Variants in CC2D2B observed in about 807,000 individuals in gnomAD.
CC2D2B encodes the protein coiled-coil and C2 domain containing 2B, also known as protein CC2D2B.
A neutral mutation model predicts 161.2 loss-of-function variants in CC2D2B; 128 were observed. That is an observed-to-expected ratio of 0.79 (90% CI 0.69 to 0.92). The LOEUF (loss-of-function observed/expected upper bound fraction) is 0.92, where lower values mean the gene tolerates loss of function less well. CC2D2B is among the 40% of genes least tolerant of loss of function. CC2D2B has a pLI of 0.00. For synonymous variants in CC2D2B, 391 were observed against 449.8 expected, an observed-to-expected ratio of 0.87 and a Z score of 1.65; for missense variants, 1,173 against 1,375.1, an observed-to-expected ratio of 0.85 and a Z score of 2.32.
Position 95,968,915 on chromosome 10 carries a change from A to G in CC2D2B, c.1644+14A>G. ...ATTTGTTTGGAGGTATGCCATTGTC[A>G]TTTACTTTTGTATCTTATTTTATGC... On this transcript the variant is annotated intron_variant, in intron 15 of 34. Transcript: ENST00000646931. The G allele has an allele frequency of 4.9e-6, 6 of 1,215,146 alleles. No homozygotes were observed. The highest frequency in any genetic ancestry group is 6.2e-6 in the Non-Finnish European group (6 of 972,844). The allele number at this position is 1,215,146 out of a possible 1,614,324, so 75.3% of individuals were successfully genotyped here.
At chr10:95,924,699 A>C in intron 4 of CC2D2B, 80 bp from the exon 5 acceptor site, 1 of 889,008 alleles carries the variant, frequency 1.1e-6, no homozygotes, top group Non-Finnish European at 1.8e-6. Flanking sequence ...CAAAGTATTG[A>C]TATTTATAAA....
intron 11 of CC2D2B, among the ~76,000 whole-genome samples, chr10:95,960,256 A>G (rs1432839457): frequency 6.6e-6 from 1 of 152,134 alleles, no homozygotes; most frequent in Non-Finnish European, 1.5e-5. Flanking sequence ...CTTGTTTCAC[A>G]CTTCAGCTAT....
intron 31 of CC2D2B, 163 bp downstream of exon 31, chr10:96,019,500 G>T: frequency 1.2e-6 from 1 of 822,288 alleles, no homozygotes; most frequent in Non-Finnish European, 1.9e-6. Flanking sequence ...AGGTGATTGT[G>T]TAGTGCCTTC....
intron 20 of CC2D2B, among the ~76,000 whole-genome samples, chr10:95,990,055 C>T (rs759586348): frequency 1.8e-4 from 28 of 152,076 alleles, no homozygotes; most frequent in Non-Finnish European, 3.4e-4. Flanking sequence ...TTTACTGAAA[C>T]GTTTTCTCTA....
intron 26 of CC2D2B, among the ~76,000 whole-genome samples, chr10:96,011,166 C>G (rs2078972492): frequency 6.6e-6 from 1 of 152,174 alleles, no homozygotes. Context: ...AGTAGAGGTG[C>G]CTGCACAATG....
intron 30 of CC2D2B, 53 bp from the exon 31 acceptor site, chr10:96,019,150 T>C (rs1006614619): frequency 2.1e-6 from 3 of 1,416,966 alleles, no homozygotes; most frequent in African/African-American, 2.9e-5. Context: ...ATAATTTCCA[T>C]ATATAGAAAT....
chr10:95,964,066 G>A (rs1031635338), intron 12 of CC2D2B, among the ~76,000 whole-genome samples: 1 of 152,160 alleles, frequency 6.6e-6, no homozygotes, highest in Admixed American at 6.6e-5. Context: ...TGTGCTCTCT[G>A]TTTGGCACTG....
At position 96,004,142 on chromosome 10, in the gene CC2D2B, T is replaced by A; in HGVS notation, c.2850-10T>A. 1 of 1,480,760 alleles carries A rather than the reference T, an allele frequency of 6.8e-7. No individual in the cohort carries two copies. The highest frequency in any genetic ancestry group is 9.1e-7 in the Non-Finnish European group (1 of 1,096,934). 91.7% of individuals were successfully genotyped at this position (1,480,760 alleles called of 1,614,324 possible). On this transcript the variant is annotated splice_polypyrimidine_tract_variant and intron_variant, in intron 24 of 34. Coordinates refer to ENST00000646931, the MANE Select transcript of CC2D2B (RefSeq NM_001349008.3). ...AATTAAGCATTTGAATATATTTTTCTTATTTGCAGCTCACCAGGACATGAT... is the reference window on the plus strand; with the variant it reads ...AATTAAGCATTTGAATATATTTTTCATATTTGCAGCTCACCAGGACATGAT...
chr10:95,944,853 T>C lies in CC2D2B; in HGVS notation c.802-5043T>C, dbSNP rs115699590. 5.2e-3 allele frequency among the ~76,000 whole-genome samples: 790 copies of C among 152,330 alleles called. 3 individuals are homozygous for C. Among genetic ancestry groups the C allele is most frequent in the African/African-American group, 0.018 (752 of 41,580 alleles). On this transcript the variant is annotated intron_variant, in intron 9 of 34. Coordinates refer to ENST00000646931, the MANE Select transcript of CC2D2B (RefSeq NM_001349008.3). ...AAGGCCATCTCACCAACTGTCTAAA[T>C]TGAGTTTTAAAATTCTTTCTTGCAG...
intron 24 of CC2D2B, among the ~76,000 whole-genome samples, chr10:96,002,771 T>G (rs546004417): frequency 6.6e-6 from 1 of 152,258 alleles, no homozygotes; most frequent in South Asian, 2.1e-4. Flanking sequence ...TTCAGAAAGT[T>G]AGAGAAGCTG....
At position 96,025,154 on chromosome 10, in the gene CC2D2B, A is replaced by AAAATAT. The variant is rs1491259451; in HGVS notation, c.3947+244_3947+245insAATATA. Among the ~76,000 whole-genome samples, 12 of 20,084 alleles carry AAAATAT rather than the reference A, an allele frequency of 6.0e-4. 1 individual carries two copies. Among genetic ancestry groups the AAAATAT allele is most frequent in the East Asian group, 3.6e-3 (1 of 274 alleles). 13.2% of individuals were successfully genotyped at this position (20,084 alleles called of 152,430 possible). ...GGAGACGTCATCTCTACTAAAAAAA[A>AAAATAT]ATATATATATATATATATATATATA... On this transcript the variant is annotated intron_variant, in intron 33 of 34. Transcript: ENST00000646931.
At chr10:95,943,379 A>G (rs1241297474) in intron 9 of CC2D2B, among the ~76,000 whole-genome samples, 2 of 152,220 alleles carry the variant, frequency 1.3e-5, no homozygotes, top group East Asian at 3.9e-4. Context: ...TTTGGGTTTC[A>G]TGAGGCATTT....
At chr10:95,956,310 G>C (rs2076565407) in intron 11 of CC2D2B, among the ~76,000 whole-genome samples, 1 of 151,958 alleles carries the variant, frequency 6.6e-6, no homozygotes, top group Non-Finnish European at 1.5e-5. Flanking sequence ...GCATGAATAA[G>C]AGCCAGTAGA....
chr10:96,023,713 G>A (rs1031173540), intron 32 of CC2D2B, among the ~76,000 whole-genome samples: 4 of 152,106 alleles, frequency 2.6e-5, no homozygotes, highest in African/African-American at 7.2e-5. Context: ...TGTACTGTGG[G>A]GCTCCTCCCT....
At chr10:95,944,900 T>G (rs951083577) in intron 9 of CC2D2B, among the ~76,000 whole-genome samples, 6 of 152,224 alleles carry the variant, frequency 3.9e-5, no homozygotes, top group Non-Finnish European at 7.3e-5. Flanking sequence ...TGAATGTGTC[T>G]CCTCTAAAAT....
intron 15 of CC2D2B, among the ~76,000 whole-genome samples, chr10:95,971,257 T>G (rs2077118180): frequency 6.6e-6 from 1 of 151,572 alleles, no homozygotes; most frequent in East Asian, 1.9e-4. Context: ...GGTGTGGTGG[T>G]GGGCACCTGT....
At chr10:95,919,429 C>G (rs2098522412) in intron 2 of CC2D2B, 1 of 152,204 alleles carries the variant, frequency 6.6e-6, no homozygotes, top group Non-Finnish European at 1.5e-5. Context: ...CCAAGGAGAT[C>G]AGGGAGAATT....
chr10:95,956,476 G>A (rs1004891745), intron 11 of CC2D2B, among the ~76,000 whole-genome samples: 2 of 152,030 alleles, frequency 1.3e-5, no homozygotes, highest in South Asian at 2.1e-4. Context: ...TACTTCTTGA[G>A]CTATTTTTAT....
Position 95,972,150 on chromosome 10 carries a change from G to A in CC2D2B, c.1729G>A (p.Ala577Thr), listed in dbSNP as rs1437944400. ...CTACACAGAGCTGAAAGGCAAAACCGCTTTGCAATATGTAGAGTTTAGCTC... is the reference window on the plus strand; with the variant it reads ...CTACACAGAGCTGAAAGGCAAAACCACTTTGCAATATGTAGAGTTTAGCTC... ...PNYTELKGKT[A>T]LQYVEFSSDK... The change falls in exon 16 of 35, where the codon GCT becomes ACT. Residue 577 changes from alanine (A) to threonine (T), a missense_variant. Around this residue, in one of 3 missense-constraint regions of CC2D2B, gnomAD observed 277 missense variants for 420.6 expected, o/e 0.66. Coordinates refer to ENST00000646931, the MANE Select transcript of CC2D2B (RefSeq NM_001349008.3). The A allele has an allele frequency of 4.1e-5, 50 of 1,231,672 alleles. No homozygotes were observed. The highest frequency in any genetic ancestry group is 4.9e-5 in the Non-Finnish European group (48 of 987,720). 76.3% of individuals were successfully genotyped at this position (1,231,672 alleles called of 1,614,324 possible).
Sources: gnomAD v4.1 joint callset for allele counts (sites outside exome capture counted in the v4.1 genomes callset) on GRCh38, gnomAD v4.1.1 for gene constraint, gnomAD v4.1.1 regional missense constraint, MANE v1.5 for transcripts, NCBI Gene and HGNC (gene_info 2026-07-23, HGNC 2026-07-21) for gene names.